Variants in GREB1 observed in about 807,000 individuals in gnomAD.
The protein encoded by GREB1 is growth regulating estrogen receptor binding 1.
GREB1 carries 106 observed loss-of-function variants against 200.7 expected under a neutral mutation model. The observed-to-expected ratio is 0.53, with a 90% CI of 0.45 to 0.62. GREB1 has a LOEUF of 0.62. Among genes scored for constraint, GREB1 ranks in the 20% least tolerant of loss-of-function variants. The probability of loss-of-function intolerance (pLI) is 0.00; values close to 1 mark genes in which losing one functional copy is unlikely to be tolerated. For synonymous variants in GREB1, 1,132 were observed against 1,092.4 expected, an observed-to-expected ratio of 1.04 and a Z score of -0.72; for missense variants, 2,243 against 2,556.8, an observed-to-expected ratio of 0.88 and a Z score of 2.65.
At position 11,578,298 on chromosome 2, in the gene GREB1, G is replaced by C. The variant is rs1253455692; in HGVS notation, c.639G>C (p.Glu213Asp). The change falls in exon 6 of 33, where the codon GAG becomes GAC. Residue 213 changes from glutamate to aspartate, a missense_variant and splice_region_variant. Physicochemically the swap from Glu to Asp is conservative, Grantham distance 45 (BLOSUM62 2). This residue lies in a region of GREB1 where 1,178 missense variants were observed against 1,387.4 expected (regional missense o/e 0.85). Coordinates refer to ENST00000381486, the MANE Select transcript of GREB1 (RefSeq NM_014668.4). ...KGPLICWKGS[E>D]FRSRQIPAST... ...CACGTGTGCACCTTGCCCCCTTAGA[G>C]TTTAGAAGCCGGCAGATCCCCGCCA... 1.2e-6 allele frequency: 2 copies of C among 1,612,518 alleles called. No homozygotes were observed. Among genetic ancestry groups the C allele is most frequent in the Non-Finnish European group, 1.7e-6 (2 of 1,178,812 alleles).
rs147997301 is a variant in GREB1 at position 11,580,734 on chromosome 2, C to G, written c.803C>G (p.Ala268Gly). 1.2e-6 allele frequency: 2 copies of G among 1,614,082 alleles called. No homozygotes were observed. Among genetic ancestry groups the G allele is most frequent in the African/African-American group, 2.7e-5 (2 of 75,070 alleles). Residue 268 changes from alanine (A) to glycine (G), a missense_variant, in exon 7 of 33, where the codon GCA (alanine) becomes GGA (glycine). Transcript: ENST00000381486. The surrounding 1 kb of genome is among the most constrained non-coding windows in gnomAD (Gnocchi z 4.5). ...GCTTCTGATCACCCCTCACTAAACG[C>G]AGCAATGGGTCCGGCTGTTTTCAAC... is the stretch of plus-strand genomic sequence containing the variant. ...GPASDHPSLN[A>G]AMGPAVFNGK...
chr2:11,548,372 A>G lies in GREB1; in HGVS notation c.-161-8082A>G, dbSNP rs558771968. On this transcript the variant is annotated intron_variant, in intron 1 of 32. Coordinates refer to ENST00000381486, the MANE Select transcript of GREB1 (RefSeq NM_014668.4). This position sits in a 1 kb window ranked among gnomAD's most constrained non-coding sequence, Gnocchi z 5.1. Reference sequence around the variant, plus strand: ...CATATACCCCAACACAGATGCACACACATACACACACCCACATACATACAC... The same window carrying G: ...CATATACCCCAACACAGATGCACACGCATACACACACCCACATACATACAC... Among the ~76,000 whole-genome samples, 6 of 145,402 alleles carry G rather than the reference A, an allele frequency of 4.1e-5. No individual in the cohort carries two copies. In the East Asian group the frequency reaches 1.2e-3, roughly 28 times the overall value.
intron 1 of GREB1, among the ~76,000 whole-genome samples, chr2:11,490,970 A>T (rs1157419062): frequency 6.6e-6 from 1 of 152,098 alleles, no homozygotes; most frequent in East Asian, 1.9e-4. Flanking sequence ...TAGCTTCACC[A>T]TTTTACGTGT....
At chr2:11,495,966 G>A (rs1018425074) in intron 1 of GREB1, among the ~76,000 whole-genome samples, 3 of 152,046 alleles carry the variant, frequency 2.0e-5, no homozygotes, top group Non-Finnish European at 4.4e-5. Flanking sequence ...CGTTTTCCAG[G>A]TGAGGATAAC....
rs753916192 is a variant in GREB1 at position 11,592,878 on chromosome 2, C to T, written c.1448C>T (p.Pro483Leu). 45 of 1,600,184 alleles carry T rather than the reference C, an allele frequency of 2.8e-5. No homozygotes were observed. Among genetic ancestry groups the T allele is most frequent in the South Asian group, 1.1e-4 (10 of 89,206 alleles). The change falls in exon 11 of 33, where the codon CCG becomes CTG. Residue 483 changes from proline (P) to leucine (L), a missense_variant. Physicochemically the swap from Pro to Leu is moderately conservative, Grantham distance 98. Transcript: ENST00000381486. ...ATCCGGCAGTACCAGCAGGCGCCGC[C>T]GCAGCCCTTCCCGCCCGCGCCCAGC... ...TEIRQYQQAP[P>L]QPFPPAPSAA...
chr2:11,509,035 C>A (rs538968154), intron 1 of GREB1, among the ~76,000 whole-genome samples: 16 of 151,896 alleles, frequency 1.1e-4, no homozygotes, highest in African/African-American at 3.4e-4. Flanking sequence ...CCACCACGCC[C>A]GGCTAATTTT....
chr2:11,615,274 G>A lies in GREB1; in HGVS notation c.3306G>A (p.Glu1102=). ...TGAGCAGCACAGACAACGAGGATGA[G>A]GAGCTGGGGACAGAAGGTGAGGGAT... is the stretch of plus-strand genomic sequence containing the variant. The part of the protein sequence containing the change: ...EKLSSTDNED[E]ELGTEGSTSE... Residue 1102 remains glutamate (E), a synonymous_variant, in exon 20 of 33, where the codon GAG becomes GAA. Coordinates refer to ENST00000381486, the MANE Select transcript of GREB1 (RefSeq NM_014668.4). 6.3e-7 allele frequency: 1 copy of A among 1,591,444 alleles called. No individual in the cohort carries two copies.
At chr2:11,524,821 A>G (rs1673818886) in intron 1 of GREB1, among the ~76,000 whole-genome samples, 1 of 152,170 alleles carries the variant, frequency 6.6e-6, no homozygotes, top group Non-Finnish European at 1.5e-5. Flanking sequence ...TACCTGGCTA[A>G]AAGCTTGATT....
intron 7 of GREB1, among the ~76,000 whole-genome samples, chr2:11,582,330 G>A (rs970615546): frequency 6.6e-6 from 1 of 152,208 alleles, no homozygotes; most frequent in Non-Finnish European, 1.5e-5. Context: ...ATTGCCTAGG[G>A]GAACACGAGC....
chr2:11,520,610 C>T (rs770829872), intron 1 of GREB1, among the ~76,000 whole-genome samples: 2 of 152,220 alleles, frequency 1.3e-5, no homozygotes, highest in African/African-American at 2.4e-5. Flanking sequence ...TCTCCACCCT[C>T]TCTCTCCTCT....
chr2:11,578,422 C>G lies in GREB1; in HGVS notation c.763C>G (p.Gln255Glu). ...GAACCCCAGCATCCTGATGGGAGCT[C>G]AGCAGGCAGGTGAGGTGGTGGAGAC... Reference protein sequence around the residue: ...GTNPSILMGAQQAGPASDHPS... With the variant: ...GTNPSILMGAEQAGPASDHPS... The change falls in exon 6 of 33, where the codon CAG becomes GAG. Residue 255 changes from glutamine (Q) to glutamate (E), a missense_variant. Gln to Glu is a conservative substitution (Grantham distance 29, BLOSUM62 2). Around this residue, in one of 3 missense-constraint regions of GREB1, gnomAD observed 1,178 missense variants for 1,387.4 expected, o/e 0.85. Coordinates refer to ENST00000381486, the MANE Select transcript of GREB1 (RefSeq NM_014668.4). 6.2e-7 allele frequency: 1 copy of G among 1,613,834 alleles called. No homozygotes were observed. Among genetic ancestry groups the G allele is most frequent in the Non-Finnish European group, 8.5e-7 (1 of 1,180,030 alleles).
At chr2:11,573,119 C>T (rs1190649823) in intron 4 of GREB1, among the ~76,000 whole-genome samples, 1 of 152,128 alleles carries the variant, frequency 6.6e-6, no homozygotes, top group African/African-American at 2.4e-5. Flanking sequence ...GAACCCAGGC[C>T]CCTCAGACAT....
chr2:11,488,720 C>T (rs1442419616), intron 1 of GREB1, among the ~76,000 whole-genome samples: 3 of 146,304 alleles, frequency 2.1e-5, no homozygotes, highest in East Asian at 2.0e-4. Context: ...GAATTTGGGA[C>T]GTGGAGGTTG....
intron 1 of GREB1, among the ~76,000 whole-genome samples, chr2:11,544,889 A>G (rs896790541): frequency 2.7e-4 from 41 of 152,256 alleles, no homozygotes; most frequent in African/African-American, 9.4e-4. Context: ...TTCTCAGCTC[A>G]CTGCAACCTC....
chr2:11,611,156 C>G lies in GREB1; in HGVS notation c.3006+129C>G, dbSNP rs1346994919. On this transcript the variant is annotated intron_variant, in intron 18 of 32. Coordinates refer to ENST00000381486, the MANE Select transcript of GREB1 (RefSeq NM_014668.4). ...CGTGGCTTCCCTAGACCCAGCCACC[C>G]CTCAGCCTCCTCTCTGTGCTTCCCC... is the stretch of plus-strand genomic sequence containing the variant. The G allele has an allele frequency of 2.4e-5, 17 of 709,324 alleles. No homozygotes were observed. In the Admixed American group the frequency reaches 4.1e-4, roughly 17 times the overall value. 43.9% of individuals were successfully genotyped at this position (709,324 alleles called of 1,614,324 possible).
intron 10 of GREB1, among the ~76,000 whole-genome samples, chr2:11,589,475 A>G (rs962348212): frequency 1.3e-5 from 2 of 152,106 alleles, no homozygotes; most frequent in Non-Finnish European, 2.9e-5. Flanking sequence ...GTCGCTGGAG[A>G]GGCCAGCGTA....
rs1333432590 is a variant in GREB1, at chr2:11,552,950, C to T, written c.-161-3504C>T. On this transcript the variant is annotated intron_variant, in intron 1 of 32. Transcript: ENST00000381486. ...GCGTGAACCCGGGAGGCGGAGCTTG[C>T]AGTGAGTCGAGATCGCGCCACTGCA... Among the ~76,000 whole-genome samples the T allele has an allele frequency of 2.1e-5, 3 of 143,518 alleles. No homozygotes were observed. The East Asian group carries it at 6.1e-4, about 29-fold the overall frequency. 94.2% of individuals were successfully genotyped at this position (143,518 alleles called of 152,430 possible). A position where few individuals can be genotyped will look rare whatever the true frequency, so the allele number is the denominator to read the frequency against.
intron 21 of GREB1, 30 bp from the exon 22 acceptor site, chr2:11,618,258 A>G (rs750034806): frequency 2.8e-5 from 43 of 1,531,300 alleles, no homozygotes; most frequent in Non-Finnish European, 3.4e-5. Context: ...ACCTTCTAGG[A>G]CGTCCCTGAC....
chr2:11,568,385 C>T (rs907922510), intron 4 of GREB1, among the ~76,000 whole-genome samples: 7 of 152,178 alleles, frequency 4.6e-5, no homozygotes, highest in East Asian at 3.8e-4. Flanking sequence ...AATGCTCACT[C>T]GAGGGACAGC....
Sources: allele counts gnomAD v4.1 joint callset (sites outside exome capture counted in the v4.1 genomes callset), GRCh38; gene constraint gnomAD v4.1.1; regional missense constraint gnomAD v4.1.1; non-coding constraint Gnocchi (gnomAD v3.1); transcripts MANE v1.5; gene names NCBI Gene and HGNC (gene_info 2026-07-23, HGNC 2026-07-21).